The following VWC2L variants were observed in gnomAD, a reference collection of about 807,000 sequenced individuals.
The protein encoded by VWC2L is von Willebrand factor C domain-containing protein 2-like.
Under a neutral mutation model 21.6 loss-of-function variants are expected in VWC2L, and 10 were observed. The observed-to-expected ratio is 0.46, with a 90% CI of 0.29 to 0.78. VWC2L has a LOEUF of 0.78. Ranked by LOEUF, VWC2L falls within the 30% of genes least tolerant of loss-of-function variation. The pLI is 0.10. For missense variants in VWC2L, 209 were observed against 277.1 expected, an observed-to-expected ratio of 0.75 and a Z score of 1.74; for synonymous variants, 96 against 94.3, an observed-to-expected ratio of 1.02 and a Z score of -0.10.
intron 2 of VWC2L, among the ~76,000 whole-genome samples, chr2:214,415,425 A>T (rs1386431993): frequency 1.3e-5 from 2 of 152,168 alleles, no homozygotes; most frequent in Non-Finnish European, 2.9e-5. Flanking sequence ...AGTGTCTGTC[A>T]TACTGATGGC....
intron 3 of VWC2L, among the ~76,000 whole-genome samples, chr2:214,441,008 T>G (rs1231225916): frequency 6.6e-6 from 1 of 152,168 alleles, no homozygotes; most frequent in East Asian, 1.9e-4. Context: ...CAAAATCCTG[T>G]ACACACATTA....
chr2:214,488,198 T>C (rs1688697776), intron 3 of VWC2L, among the ~76,000 whole-genome samples: 1 of 152,222 alleles, frequency 6.6e-6, no homozygotes, highest in Non-Finnish European at 1.5e-5. Flanking sequence ...ATGTCTTTAC[T>C]CAACAGACTT....
intron 3 of VWC2L, among the ~76,000 whole-genome samples, chr2:214,535,047 A>T (rs920945183): frequency 1.3e-5 from 2 of 152,122 alleles, no homozygotes; most frequent in African/African-American, 4.8e-5. Flanking sequence ...TCATAAAGAA[A>T]AGGAAAGCTT....
At chr2:214,458,141 T>C (rs1703084840) in intron 3 of VWC2L, among the ~76,000 whole-genome samples, 1 of 152,142 alleles carries the variant, frequency 6.6e-6, no homozygotes, top group African/African-American at 2.4e-5. Context: ...CATTGGTCTA[T>C]TCAGGTTTTC....
intron 3 of VWC2L, among the ~76,000 whole-genome samples, chr2:214,544,549 G>C (rs1689675964): frequency 6.6e-6 from 1 of 152,096 alleles, no homozygotes; most frequent in Admixed American, 6.6e-5. Flanking sequence ...GTTACTCCCT[G>C]ATATAGGATG....
chr2:214,419,346 AT>A (rs1416495603), intron 2 of VWC2L, among the ~76,000 whole-genome samples: 1 of 152,226 alleles, frequency 6.6e-6, no homozygotes, highest in Non-Finnish European at 1.5e-5. Flanking sequence ...GAAAAAGTTT[AT>A]TGGAAATGTA....
At chr2:214,524,635 T>C (rs959557978) in intron 3 of VWC2L, among the ~76,000 whole-genome samples, 7 of 152,210 alleles carry the variant, frequency 4.6e-5, no homozygotes, top group African/African-American at 1.7e-4. Context: ...CAGTGGCAAG[T>C]GAGAGCCACA....
intron 2 of VWC2L, among the ~76,000 whole-genome samples, chr2:214,424,532 T>A (rs1400498958): frequency 1.3e-5 from 2 of 152,186 alleles, no homozygotes; most frequent in Non-Finnish European, 2.9e-5. Context: ...AAAAGAGAGA[T>A]AATAGTAGAC....
chr2:214,530,191 CCTT>C (rs1490280421), intron 3 of VWC2L, among the ~76,000 whole-genome samples: 2 of 152,164 alleles, frequency 1.3e-5, no homozygotes, highest in African/African-American at 4.8e-5. Context: ...TCAAGCCAAA[CCTT>C]CTCTCCTTCA....
At chr2:214,548,175 C>A (rs564994955) in intron 3 of VWC2L, among the ~76,000 whole-genome samples, 24 of 152,162 alleles carry the variant, frequency 1.6e-4, no homozygotes, top group Admixed American at 4.6e-4. Context: ...CAGTAGTACA[C>A]TACCAAAGCA....
At chr2:214,432,975 T>C (rs1702621988) in intron 2 of VWC2L, among the ~76,000 whole-genome samples, 1 of 151,078 alleles carries the variant, frequency 6.6e-6, no homozygotes, top group South Asian at 2.1e-4. Context: ...TAAGCCAAGA[T>C]TGTGCCACTG....
chr2:214,502,080 G>T (rs1335892855), intron 3 of VWC2L, among the ~76,000 whole-genome samples: 1 of 152,206 alleles, frequency 6.6e-6, no homozygotes, highest in Non-Finnish European at 1.5e-5. Flanking sequence ...GAGGTAGTTT[G>T]TCACAGATCA....
At chr2:214,561,309 T>C (rs1466002719) in intron 3 of VWC2L, among the ~76,000 whole-genome samples, 1 of 152,196 alleles carries the variant, frequency 6.6e-6, no homozygotes, top group Admixed American at 6.5e-5. Flanking sequence ...CATTCCTCCC[T>C]GCCAAATTGT....
At chr2:214,509,199 C>A (rs927049959) in intron 3 of VWC2L, among the ~76,000 whole-genome samples, 2 of 152,148 alleles carry the variant, frequency 1.3e-5, no homozygotes, top group Admixed American at 6.5e-5. Flanking sequence ...AAACTGCTCG[C>A]ATCTAAACTG....
intron 3 of VWC2L, among the ~76,000 whole-genome samples, chr2:214,475,934 C>G (rs188999343): frequency 6.3e-4 from 96 of 152,196 alleles, no homozygotes; most frequent in Middle Eastern, 3.4e-3. Context: ...TGTCCTGGGC[C>G]CCAGCCTGGG....
At chr2:214,573,507 A>T (rs1054190820) in intron 3 of VWC2L, among the ~76,000 whole-genome samples, 1 of 152,188 alleles carries the variant, frequency 6.6e-6, no homozygotes, top group Non-Finnish European at 1.5e-5. Flanking sequence ...GACTCCAGGC[A>T]AATAGGTGGT....
chr2:214,497,638 A>G (rs1163674412), intron 3 of VWC2L, among the ~76,000 whole-genome samples: 1 of 152,134 alleles, frequency 6.6e-6, no homozygotes, highest in Non-Finnish European at 1.5e-5. Context: ...TCCAGCTGCC[A>G]TTTCCGTAAA....
intron 3 of VWC2L, among the ~76,000 whole-genome samples, chr2:214,539,530 C>A (rs531692002): frequency 6.6e-6 from 1 of 152,224 alleles, no homozygotes; most frequent in African/African-American, 2.4e-5. Flanking sequence ...TTCTGAACCA[C>A]TAAACTGAGA....
At chr2:214,547,963 T>C (rs1196552058) in intron 3 of VWC2L, among the ~76,000 whole-genome samples, 2 of 152,246 alleles carry the variant, frequency 1.3e-5, no homozygotes, top group Non-Finnish European at 2.9e-5. Flanking sequence ...TGCCTCTAAC[T>C]GTATGCATTA....
Sources: gnomAD v4.1 joint callset for allele counts (sites outside exome capture counted in the v4.1 genomes callset) on GRCh38, gnomAD v4.1.1 for gene constraint, MANE v1.5 for transcripts, NCBI Gene and HGNC (gene_info 2026-07-23, HGNC 2026-07-21) for gene names.